Variants in USP24 observed in about 807,000 individuals in gnomAD.
USP24 encodes the protein ubiquitin carboxyl-terminal hydrolase 24.
Under a neutral mutation model 361.6 loss-of-function variants are expected in USP24, and 97 were observed. That is an observed-to-expected ratio of 0.27 (90% CI 0.23 to 0.32). The LOEUF is 0.32. Ranked by LOEUF, USP24 falls within the 10% of genes least tolerant of loss-of-function variation. USP24 has a pLI of 1.00. For synonymous variants in USP24, 1,098 were observed against 1,124.6 expected (o/e 0.98, Z 0.47); for missense variants, 2,353 against 3,165.6 (o/e 0.74, Z 6.16).
At chr1:55,101,244 A>G (rs996437830) in intron 43 of USP24, among the ~76,000 whole-genome samples, 1 of 152,234 alleles carries the variant, frequency 6.6e-6, no homozygotes, top group Non-Finnish European at 1.5e-5. Context: ...TCTCAAAACC[A>G]CTGACCATAT....
At chr1:55,069,697 A>C (rs944477016) in intron 67 of USP24, among the ~76,000 whole-genome samples, 2 of 151,688 alleles carry the variant, frequency 1.3e-5, no homozygotes, top group Non-Finnish European at 2.9e-5. Context: ...GGAAGAGAGT[A>C]CATTTGATAA....
rs373962150 is a variant in USP24 at position 55,165,971 on chromosome 1, C to T, written c.862-21G>A. Reference sequence around the variant, plus strand: ...CCAAACTGAGAAGAAAAAAGGCACACATTAAGTTATTTTTCTCTTTAATTT... The same window carrying T: ...CCAAACTGAGAAGAAAAAAGGCACATATTAAGTTATTTTTCTCTTTAATTT... On this transcript the variant is annotated intron_variant, in intron 6 of 67. Coordinates refer to ENST00000294383, the MANE Select transcript of USP24 (RefSeq NM_015306.3). 12 of 1,594,814 alleles carry T rather than the reference C, an allele frequency of 7.5e-6. No homozygotes were observed. In the African/African-American group the frequency reaches 1.2e-4, roughly 16 times the overall value.
chr1:55,215,059 C>T lies in USP24; in HGVS notation c.55G>A (p.Asp19Asn). ...MTTLLCMGFS[D>N]PATIRKALRL... Reference sequence around the variant, plus strand: ...AGGGCCTTGCGGATGGTGGCGGGGTCTGAGAAGCCCATGCACAGCAGCGTG... The same window carrying T: ...AGGGCCTTGCGGATGGTGGCGGGGTTTGAGAAGCCCATGCACAGCAGCGTG... The change falls in exon 1 of 68, where the codon GAC becomes AAC. Residue 19 changes from aspartate to asparagine, a missense_variant. This residue lies in a region of USP24 where 253 missense variants were observed against 255.3 expected (regional missense o/e 0.99). Coordinates refer to ENST00000294383, the MANE Select transcript of USP24 (RefSeq NM_015306.3). 6.9e-7 allele frequency: 1 copy of T among 1,459,202 alleles called. No homozygotes were observed. Among genetic ancestry groups the T allele is most frequent in the Non-Finnish European group, 9.1e-7 (1 of 1,102,268 alleles). 90.4% of individuals were successfully genotyped at this position (1,459,202 alleles called of 1,614,324 possible).
chr1:55,215,043 C>G lies in USP24; in HGVS notation c.71G>C (p.Arg24Pro), dbSNP rs1362601513. ...CMGFSDPATI[R>P]KALRLAKNDI... ...GTTCTTGGCCAGGCGCAGGGCCTTG[C>G]GGATGGTGGCGGGGTCTGAGAAGCC... Residue 24 changes from arginine (R) to proline (P), a missense_variant, in exon 1 of 68, where the codon CGC (arginine) becomes CCC (proline). Transcript: ENST00000294383. 1 of 1,468,414 alleles carries G rather than the reference C, an allele frequency of 6.8e-7. No individual in the cohort carries two copies. Among genetic ancestry groups the G allele is most frequent in the Non-Finnish European group, 9.0e-7 (1 of 1,107,430 alleles). 91.0% of individuals were successfully genotyped at this position (1,468,414 alleles called of 1,614,324 possible). A position where few individuals can be genotyped will look rare whatever the true frequency, so the allele number is the denominator to read the frequency against.
At chr1:55,168,225 A>C (rs746354228) in intron 5 of USP24, among the ~76,000 whole-genome samples, 1 of 152,080 alleles carries the variant, frequency 6.6e-6, no homozygotes, top group Non-Finnish European at 1.5e-5. Context: ...ATTTCTTTCC[A>C]ATCTGGAAAC....
intron 1 of USP24, among the ~76,000 whole-genome samples, chr1:55,203,881 A>G (rs1644639258): frequency 6.6e-6 from 1 of 152,234 alleles, no homozygotes; most frequent in Admixed American, 6.5e-5. Context: ...ATAGACACCT[A>G]ACATTTTCTC....
intron 31 of USP24, among the ~76,000 whole-genome samples, chr1:55,130,177 G>A (rs1245763351): frequency 6.6e-6 from 1 of 152,154 alleles, no homozygotes; most frequent in Non-Finnish European, 1.5e-5. Flanking sequence ...GAGTTCAACT[G>A]AATACTTTGG....
Position 55,123,497 on chromosome 1 carries a change from T to G in USP24, c.4226A>C (p.Glu1409Ala), listed in dbSNP as rs1311317933. ...GCACGTAACAAGAAGAGACAAAGCC[T>G]CTCCCGCAATCAGCGAGTCTTTGGT... is the stretch of plus-strand genomic sequence containing the variant. ...VSTKDSLIAGEALSLLVTCLQ... is the reference protein window; with the variant it reads ...VSTKDSLIAGAALSLLVTCLQ... Residue 1409 changes from glutamate (E) to alanine (A), a missense_variant, in exon 36 of 68, where the codon GAG becomes GCG. Coordinates refer to ENST00000294383, the MANE Select transcript of USP24 (RefSeq NM_015306.3). The G allele has an allele frequency of 6.2e-7, 1 of 1,604,608 alleles. No individual in the cohort carries two copies. The highest frequency in any genetic ancestry group is 8.5e-7 in the Non-Finnish European group (1 of 1,175,698).
chr1:55,138,446 T>C (rs533618937), intron 26 of USP24, among the ~76,000 whole-genome samples, 162 bp downstream of exon 26: 3 of 152,342 alleles, frequency 2.0e-5, no homozygotes, highest in East Asian at 1.9e-4. Context: ...TATTTATTTA[T>C]ATATCTGCTT....
At chr1:55,157,833 C>CA (rs1179133312) in intron 10 of USP24, among the ~76,000 whole-genome samples, 1,185 of 77,498 alleles carry the variant, frequency 0.015, 13 homozygotes, top group African/African-American at 0.042. Flanking sequence ...GACTCCATCT[C>CA]AAAAAAAAAA....
intron 42 of USP24, among the ~76,000 whole-genome samples, chr1:55,101,981 A>T (rs1193250754): frequency 1.3e-5 from 2 of 152,210 alleles, no homozygotes; most frequent in African/African-American, 4.8e-5. Context: ...ATCATTCAAC[A>T]AATATTGATT....
At chr1:55,115,012 T>C (rs1646064861) in intron 38 of USP24, among the ~76,000 whole-genome samples, 1 of 149,756 alleles carries the variant, frequency 6.7e-6, no homozygotes. Flanking sequence ...AAAGGGCTAA[T>C]ATCCAGATTC....
At chr1:55,108,286 C>T (rs956831983) in intron 39 of USP24, among the ~76,000 whole-genome samples, 2 of 152,128 alleles carry the variant, frequency 1.3e-5, no homozygotes, top group African/African-American at 4.8e-5. Context: ...CCCCTTCAAA[C>T]AAGGACTTAA....
At chr1:55,211,147 T>C (rs1644837462) in intron 1 of USP24, among the ~76,000 whole-genome samples, 1 of 152,204 alleles carries the variant, frequency 6.6e-6, no homozygotes, top group Admixed American at 6.5e-5. Context: ...TGGTACGCAC[T>C]TGGCAGGCCA....
chr1:55,098,646 C>T, intron 45 of USP24, 88 bp from the exon 46 acceptor site: 1 of 967,040 alleles, frequency 1.0e-6, no homozygotes, highest in Non-Finnish European at 1.6e-6. Flanking sequence ...AATTTAAGGA[C>T]CAAAACAAAA....
intron 1 of USP24, among the ~76,000 whole-genome samples, chr1:55,179,554 C>T (rs1481132255): frequency 6.6e-6 from 1 of 152,162 alleles, no homozygotes; most frequent in African/African-American, 2.4e-5. Context: ...CATGATCCTT[C>T]CCCCGTAAAT....
intron 10 of USP24, 44 bp from the exon 11 acceptor site, chr1:55,157,414 C>A: frequency 4.6e-6 from 5 of 1,085,918 alleles, no homozygotes; most frequent in East Asian, 2.7e-5. Context: ...TATACATTAT[C>A]AAATATTTAT....
chr1:55,143,059 G>T lies in USP24; in HGVS notation c.2500C>A (p.Pro834Thr). Residue 834 changes from proline to threonine, a missense_variant, in exon 22 of 68, where the codon CCT (proline) becomes ACT (threonine). By Grantham distance (38) the Pro-to-Thr change is conservative (BLOSUM62 -1). This residue lies in a region of USP24 where 949 missense variants were observed against 1,280.5 expected (regional missense o/e 0.74). Transcript: ENST00000294383. ...GCTTCATTAGCAATTTCTTCATCAG[G>T]TGATTCCATGGCTATTTTCCAAATG... ...DFIWKIAMES[P>T]DEEIANEAIQ... 1 of 1,531,906 alleles carries T rather than the reference G, an allele frequency of 6.5e-7. No individual in the cohort carries two copies. 94.9% of individuals were successfully genotyped at this position (1,531,906 alleles called of 1,614,324 possible). A position where few individuals can be genotyped will look rare whatever the true frequency, so the allele number is the denominator to read the frequency against.
At chr1:55,180,211 T>C (rs1643923194) in intron 1 of USP24, among the ~76,000 whole-genome samples, 1 of 152,200 alleles carries the variant, frequency 6.6e-6, no homozygotes, top group African/African-American at 2.4e-5. Flanking sequence ...CCCCTGGATC[T>C]GAACCAGGGT....
Sources: gnomAD v4.1 joint callset for allele counts (sites outside exome capture counted in the v4.1 genomes callset) on GRCh38, gnomAD v4.1.1 for gene constraint, gnomAD v4.1.1 regional missense constraint, MANE v1.5 for transcripts, NCBI Gene and HGNC (gene_info 2026-07-23, HGNC 2026-07-21) for gene names.